The following CBFA2T2 variants were observed in gnomAD, a reference collection of about 807,000 sequenced individuals.
CBFA2T2 encodes the protein protein CBFA2T2.
Under a neutral mutation model 62.2 loss-of-function variants are expected in CBFA2T2, and 11 were observed. The observed-to-expected ratio is 0.18, with a 90% CI of 0.11 to 0.29. The LOEUF (loss-of-function observed/expected upper bound fraction) is 0.29. CBFA2T2 is among the 10% of genes least tolerant of loss of function. The pLI is 1.00. For synonymous variants in CBFA2T2, 295 were observed against 287.5 expected (o/e 1.03, Z -0.27); for missense variants, 592 against 774.1 (o/e 0.76, Z 2.79).
In CBFA2T2 at chr20:33,644,525, G is replaced by A. The variant is rs376557268; in HGVS notation, c.1667G>A (p.Gly556Asp). 1 of 1,613,906 alleles carries A rather than the reference G, an allele frequency of 6.2e-7. No individual in the cohort carries two copies. Among genetic ancestry groups the A allele is most frequent in the African/African-American group, 1.3e-5 (1 of 74,960 alleles). Residue 556 changes from glycine (G) to aspartate (D), a missense_variant, in exon 11 of 11, where the codon GGC (glycine) becomes GAC (aspartate). Physicochemically the swap from Gly to Asp is moderately conservative, Grantham distance 94 (BLOSUM62 -1). This residue lies in a region of CBFA2T2 where 85 missense variants were observed against 99.0 expected (regional missense o/e 0.86). Transcript: ENST00000342704. Reference sequence around the variant, plus strand: ...CGGCCGCTGCTTCCTGTAGGCAGGGGCTCCTCTGCCAGGTCCGCCGACTGC... The same window carrying A: ...CGGCCGCTGCTTCCTGTAGGCAGGGACTCCTCTGCCAGGTCCGCCGACTGC... ...QGRPLLPVGR[G>D]SSARSADCSV...
At chr20:33,492,074 G>GT (rs1357172420) in intron 1 of CBFA2T2, among the ~76,000 whole-genome samples, 8 of 152,088 alleles carry the variant, frequency 5.3e-5, no homozygotes, top group Non-Finnish European at 1.2e-4. Flanking sequence ...AGTAGAGACG[G>GT]TTTTACCATG....
intron 8 of CBFA2T2, 59 bp downstream of exon 8, chr20:33,629,973 C>T: frequency 6.9e-7 from 1 of 1,447,180 alleles, no homozygotes; most frequent in Non-Finnish European, 9.2e-7. Flanking sequence ...GCCCACCAAT[C>T]TGTCACAGAA....
At chr20:33,554,512 T>G (rs1600963784) in intron 1 of CBFA2T2, among the ~76,000 whole-genome samples, 1 of 151,730 alleles carries the variant, frequency 6.6e-6, no homozygotes, top group African/African-American at 2.4e-5. Context: ...GCCTCCTAAA[T>G]TGCTGGGGTT....
At chr20:33,622,790 A>G (rs957155973) in intron 4 of CBFA2T2, among the ~76,000 whole-genome samples, 6 of 152,208 alleles carry the variant, frequency 3.9e-5, no homozygotes, top group African/African-American at 1.4e-4. Context: ...CTCACTGACT[A>G]AAGTCTTCAG....
chr20:33,559,269 G>T (rs557212355), intron 1 of CBFA2T2, among the ~76,000 whole-genome samples: 18 of 147,698 alleles, frequency 1.2e-4, no homozygotes, highest in African/African-American at 3.8e-4. Context: ...TGCCTTCCTG[G>T]TTCAAGCGAT....
intron 1 of CBFA2T2, among the ~76,000 whole-genome samples, chr20:33,566,621 A>T (rs1377296012): frequency 6.6e-6 from 1 of 151,732 alleles, no homozygotes; most frequent in Admixed American, 6.6e-5. Flanking sequence ...AAAAAAAAGT[A>T]CAAAAGTAGT....
chr20:33,508,085 T>C (rs994675906), intron 1 of CBFA2T2, among the ~76,000 whole-genome samples: 6 of 151,958 alleles, frequency 3.9e-5, no homozygotes, highest in African/African-American at 1.5e-4. Context: ...ACGGGTCAGG[T>C]CCCTTTGCCT....
Position 33,645,645 on chromosome 20 carries a change from C to G in CBFA2T2, c.*999C>G, listed in dbSNP as rs2017025678. ...TGGCACCTGCTGAGCCACAGTTGTCCTGCTGGATGTGCTGTGCAGGTTGGT... is the reference window on the plus strand; with the variant it reads ...TGGCACCTGCTGAGCCACAGTTGTCGTGCTGGATGTGCTGTGCAGGTTGGT... On this transcript the variant is annotated 3_prime_UTR_variant, in exon 11 of 11. Coordinates refer to ENST00000342704, the MANE Select transcript of CBFA2T2 (RefSeq NM_001032999.3). The G allele has an allele frequency of 6.6e-6, 1 of 152,240 alleles. No homozygotes were observed. The highest frequency in any genetic ancestry group is 2.4e-5 in the African/African-American group (1 of 41,450). The allele number at this position is 152,240 out of a possible 1,614,324, so 9.4% of individuals were successfully genotyped here.
Position 33,584,508 on chromosome 20 carries a change from C to T in CBFA2T2, c.35-22448C>T, listed in dbSNP as rs367836806. Among the ~76,000 whole-genome samples the T allele has an allele frequency of 5.3e-5, 8 of 152,002 alleles. No individual in the cohort carries two copies. The East Asian group carries it at 5.8e-4, about 11-fold the overall frequency. On this transcript the variant is annotated intron_variant, in intron 1 of 10. Coordinates refer to ENST00000342704, the MANE Select transcript of CBFA2T2 (RefSeq NM_001032999.3). ...TCCTGACCTCCTGAACTGCCCGTCTCGGCCTCCCAAAGTGCTGAGATTACA... is the reference window on the plus strand; with the variant it reads ...TCCTGACCTCCTGAACTGCCCGTCTTGGCCTCCCAAAGTGCTGAGATTACA...
chr20:33,647,571 A>G lies in CBFA2T2; in HGVS notation c.*2925A>G, dbSNP rs2017097991. 6.6e-6 allele frequency: 1 copy of G among 152,240 alleles called. No individual in the cohort carries two copies. Among genetic ancestry groups the G allele is most frequent in the Non-Finnish European group, 1.5e-5 (1 of 68,062 alleles). 9.4% of individuals were successfully genotyped at this position (152,240 alleles called of 1,614,324 possible). A position where few individuals can be genotyped will look rare whatever the true frequency, so the allele number is the denominator to read the frequency against. On this transcript the variant is annotated 3_prime_UTR_variant, in exon 11 of 11. Coordinates refer to ENST00000342704, the MANE Select transcript of CBFA2T2 (RefSeq NM_001032999.3). ...AGTGCCAGGATTACAGGCATGAGCCACTGTGTCCGGTCTTGAGCAGGTTTT... is the reference window on the plus strand; with the variant it reads ...AGTGCCAGGATTACAGGCATGAGCCGCTGTGTCCGGTCTTGAGCAGGTTTT...
chr20:33,510,375 TA>T (rs1205465302), intron 1 of CBFA2T2, among the ~76,000 whole-genome samples: 1 of 151,226 alleles, frequency 6.6e-6, no homozygotes, highest in Non-Finnish European at 1.5e-5. Context: ...CACGCCCGGC[TA>T]ATTTTTTTTG....
chr20:33,506,802 C>T (rs2011411428), intron 1 of CBFA2T2, among the ~76,000 whole-genome samples: 1 of 152,150 alleles, frequency 6.6e-6, no homozygotes, highest in South Asian at 2.1e-4. Context: ...GAGCACTTAG[C>T]TGCAGCTGTG....
intron 1 of CBFA2T2, among the ~76,000 whole-genome samples, chr20:33,549,145 G>T (rs1377929378): frequency 1.3e-5 from 2 of 152,174 alleles, no homozygotes; most frequent in Non-Finnish European, 2.9e-5. Context: ...ACAAACTACT[G>T]ATGAGAGCAT....
intron 1 of CBFA2T2, among the ~76,000 whole-genome samples, chr20:33,578,451 T>C (rs1298162435): frequency 1.3e-5 from 2 of 152,244 alleles, no homozygotes; most frequent in Non-Finnish European, 2.9e-5. Flanking sequence ...AGTAAACTTA[T>C]GTTTGTACCC....
chr20:33,626,623 CAG>C (rs1289812870), intron 6 of CBFA2T2, among the ~76,000 whole-genome samples: 1 of 152,190 alleles, frequency 6.6e-6, no homozygotes, highest in Non-Finnish European at 1.5e-5. Context: ...AACTGCTGAG[CAG>C]AGAACCAAAG....
intron 1 of CBFA2T2, among the ~76,000 whole-genome samples, chr20:33,587,557 C>T (rs1323019564): frequency 1.3e-5 from 2 of 152,008 alleles, no homozygotes; most frequent in Non-Finnish European, 1.5e-5. Context: ...TGAGCCACCG[C>T]GTCTGGCCAA....
At chr20:33,566,037 C>A (rs574716741) in intron 1 of CBFA2T2, among the ~76,000 whole-genome samples, 1 of 152,124 alleles carries the variant, frequency 6.6e-6, no homozygotes, top group African/African-American at 2.4e-5. Context: ...GACCTATGGA[C>A]AATATTAGGG....
intron 1 of CBFA2T2, among the ~76,000 whole-genome samples, chr20:33,500,578 G>A (rs577678627): frequency 1.3e-5 from 2 of 152,110 alleles, no homozygotes; most frequent in Non-Finnish European, 2.9e-5. Flanking sequence ...CCATGGTGGC[G>A]CATGCCTGTA....
rs183926101 is a variant in CBFA2T2, at chr20:33,551,919, C to T, written c.35-55037C>T. ...TTTTTCTCTTCTTGCCCTCCCTGCC[C>T]TTTTTTTTTCTGCTTACGTAAAATT... On this transcript the variant is annotated intron_variant, in intron 1 of 10. Coordinates refer to ENST00000342704, the MANE Select transcript of CBFA2T2 (RefSeq NM_001032999.3). Among the ~76,000 whole-genome samples the T allele has an allele frequency of 2.9e-4, 44 of 151,092 alleles. No homozygotes were observed. In the East Asian group the frequency reaches 4.8e-3, roughly 17 times the overall value.
Sources: allele counts gnomAD v4.1 joint callset (sites outside exome capture counted in the v4.1 genomes callset), GRCh38; gene constraint gnomAD v4.1.1; regional missense constraint gnomAD v4.1.1; transcripts MANE v1.5; gene names NCBI Gene and HGNC (gene_info 2026-07-23, HGNC 2026-07-21).